The following MIPOL1 variants were observed in gnomAD, a reference collection of about 807,000 sequenced individuals.
MIPOL1 encodes the protein mirror-image polydactyly gene 1 protein.
Under a neutral mutation model 60.9 loss-of-function variants are expected in MIPOL1, and 57 were observed. That is an observed-to-expected ratio of 0.94 (90% CI 0.76 to 1.17). The LOEUF (loss-of-function observed/expected upper bound fraction) is 1.17. Among genes scored for constraint, MIPOL1 ranks in the 50% most tolerant of loss-of-function variants. The pLI, the probability that MIPOL1 is intolerant of heterozygous loss-of-function variation, is 0.00. For synonymous variants in MIPOL1, 179 were observed against 168.8 expected, an observed-to-expected ratio of 1.06 and a Z score of -0.47; for missense variants, 551 against 511.6, an observed-to-expected ratio of 1.08 and a Z score of -0.74.
intron 6 of MIPOL1, among the ~76,000 whole-genome samples, chr14:37,281,313 A>G (rs1196102788): frequency 6.6e-6 from 1 of 152,194 alleles, no homozygotes; most frequent in Non-Finnish European, 1.5e-5. Context: ...TCAGTTGACC[A>G]TAATTGTGTG....
At chr14:37,483,051 T>C (rs990680336) in intron 11 of MIPOL1, among the ~76,000 whole-genome samples, 1 of 151,958 alleles carries the variant, frequency 6.6e-6, no homozygotes, top group Non-Finnish European at 1.5e-5. Context: ...ATAGTTGTTA[T>C]ACTATATGTT....
intron 10 of MIPOL1, among the ~76,000 whole-genome samples, chr14:37,389,430 C>T (rs891404598): frequency 6.6e-6 from 1 of 151,976 alleles, no homozygotes; most frequent in Non-Finnish European, 1.5e-5. Context: ...CACCTAATCA[C>T]ATGATTGATA....
intron 10 of MIPOL1, among the ~76,000 whole-genome samples, chr14:37,375,794 C>A (rs2092760739): frequency 1.3e-5 from 2 of 151,460 alleles, no homozygotes; most frequent in African/African-American, 4.9e-5. Context: ...ACCATGTTAC[C>A]CAGGCTGATC....
intron 10 of MIPOL1, chr14:37,385,758 A>T (rs2093050012): frequency 6.6e-6 from 1 of 152,072 alleles, no homozygotes; most frequent in Non-Finnish European, 1.5e-5. Context: ...TTCACTGACT[A>T]GAAAAAGTTG....
At chr14:37,261,279 A>G (rs1434917170) in intron 3 of MIPOL1, among the ~76,000 whole-genome samples, 1 of 151,138 alleles carries the variant, frequency 6.6e-6, no homozygotes, top group Non-Finnish European at 1.5e-5. Flanking sequence ...CCAAAAGAAA[A>G]GAGAAAAAGA....
Position 37,496,107 on chromosome 14 carries a change from T to G in MIPOL1, c.1032-3801T>G, listed in dbSNP as rs190981118. ...TGTTCACTCTGATGGTAGTTTCTTTTGCTGTGCAGAAGCTCTTTAATTAGG... is the reference window on the plus strand; with the variant it reads ...TGTTCACTCTGATGGTAGTTTCTTTGGCTGTGCAGAAGCTCTTTAATTAGG... On this transcript the variant is annotated intron_variant, in intron 11 of 12. Transcript: ENST00000684589. Among the ~76,000 whole-genome samples the G allele has an allele frequency of 1.4e-3, 218 of 152,240 alleles. 5 individuals carry two copies. In the East Asian group the frequency reaches 0.04, roughly 28 times the overall value.
intron 10 of MIPOL1, among the ~76,000 whole-genome samples, chr14:37,386,252 G>A (rs2093062954): frequency 6.6e-6 from 1 of 151,804 alleles, no homozygotes; most frequent in African/African-American, 2.4e-5. Context: ...ATAAAATTGA[G>A]GTTCCTTTCT....
intron 9 of MIPOL1, among the ~76,000 whole-genome samples, chr14:37,328,540 T>C (rs760571806): frequency 1.3e-5 from 2 of 152,190 alleles, no homozygotes; most frequent in Non-Finnish European, 2.9e-5. Context: ...ATATGCAAAA[T>C]TCAAACATAT....
Position 37,335,805 on chromosome 14 carries a change from A to T in MIPOL1, c.828+27286A>T, listed in dbSNP as rs183777565. ...TTATTGTTTGTATATTCTGGATTAA[A>T]CTCCTTATTTGATATATGATTTACA... On this transcript the variant is annotated intron_variant, in intron 9 of 12. Transcript: ENST00000684589. Among the ~76,000 whole-genome samples the T allele has an allele frequency of 3.2e-3, 484 of 151,466 alleles. 1 individual carries two copies. Among genetic ancestry groups the T allele is most frequent in the Middle Eastern group, 0.01 (3 of 290 alleles).
intron 1 of MIPOL1, among the ~76,000 whole-genome samples, chr14:37,244,545 T>G (rs1972885302): frequency 7.8e-6 from 1 of 128,248 alleles, no homozygotes; most frequent in African/African-American, 2.7e-5. Flanking sequence ...TATAGTAGAG[T>G]TTTTTTTTTT....
chr14:37,396,716 G>T (rs1472701771), intron 10 of MIPOL1, among the ~76,000 whole-genome samples: 3 of 151,900 alleles, frequency 2.0e-5, no homozygotes, highest in Non-Finnish European at 4.4e-5. Context: ...TTAATTCAAA[G>T]ACCTTGTCTT....
intron 10 of MIPOL1, among the ~76,000 whole-genome samples, chr14:37,392,848 C>G (rs889944254): frequency 6.6e-6 from 1 of 152,156 alleles, no homozygotes; most frequent in African/African-American, 2.4e-5. Context: ...AAATTAAAGT[C>G]TTGTGCAACC....
At chr14:37,327,311 A>G (rs1459589075) in intron 9 of MIPOL1, among the ~76,000 whole-genome samples, 2 of 151,758 alleles carry the variant, frequency 1.3e-5, no homozygotes, top group South Asian at 2.1e-4. Context: ...TTTTTGAGAC[A>G]GGTTCTCGCT....
At chr14:37,363,302 G>A (rs568706896) in intron 9 of MIPOL1, among the ~76,000 whole-genome samples, 1 of 152,050 alleles carries the variant, frequency 6.6e-6, no homozygotes, top group Non-Finnish European at 1.5e-5. Context: ...TTTGGTGTAG[G>A]TGTCCTTTTT....
intron 9 of MIPOL1, among the ~76,000 whole-genome samples, chr14:37,328,864 G>C (rs1422646823): frequency 6.6e-6 from 1 of 152,146 alleles, no homozygotes; most frequent in Non-Finnish European, 1.5e-5. Flanking sequence ...AGTTACAGAG[G>C]GTTCAGAGAG....
chr14:37,229,395 C>T (rs992370675), intron 1 of MIPOL1, among the ~76,000 whole-genome samples: 15 of 152,118 alleles, frequency 9.9e-5, no homozygotes, highest in African/African-American at 2.9e-4. Flanking sequence ...ATCTATCTGC[C>T]TTTGGCCTCC....
At chr14:37,435,266 G>A (rs2094145885) in intron 11 of MIPOL1, among the ~76,000 whole-genome samples, 1 of 151,978 alleles carries the variant, frequency 6.6e-6, no homozygotes, top group African/African-American at 2.4e-5. Flanking sequence ...AAATATTCTA[G>A]GTGTGCTCCC....
intron 3 of MIPOL1, among the ~76,000 whole-genome samples, chr14:37,264,429 C>T (rs1302340710): frequency 6.6e-6 from 1 of 151,380 alleles, no homozygotes; most frequent in Non-Finnish European, 1.5e-5. Flanking sequence ...AGTTTGAGAC[C>T]AGCCTGGGCA....
intron 11 of MIPOL1, among the ~76,000 whole-genome samples, chr14:37,454,161 G>A (rs1433588835): frequency 6.6e-6 from 1 of 152,182 alleles, no homozygotes; most frequent in Admixed American, 6.5e-5. Flanking sequence ...GATTCATGGA[G>A]TCGTGTTTTA....
Sources: gnomAD v4.1 joint callset for allele counts (sites outside exome capture counted in the v4.1 genomes callset) on GRCh38, gnomAD v4.1.1 for gene constraint, MANE v1.5 for transcripts, NCBI Gene and HGNC (gene_info 2026-07-23, HGNC 2026-07-21) for gene names.